The following TANGO6 variants were observed in gnomAD, a reference collection of about 807,000 sequenced individuals.
The protein encoded by TANGO6 is transport and Golgi organization protein 6 homolog.
In TANGO6, 90 loss-of-function variants were observed where a neutral mutation model predicts 114.2. The ratio of observed to expected loss-of-function variants is 0.79; its 90% CI spans 0.66 to 0.94. The LOEUF is 0.94. Ranked by LOEUF, TANGO6 falls within the 40% of genes least tolerant of loss-of-function variation. The pLI, the probability that TANGO6 is intolerant of heterozygous loss-of-function variation, is 0.00. For synonymous variants in TANGO6, 477 were observed against 509.8 expected (o/e 0.94, Z 0.87); for missense variants, 1,274 against 1,315.3 (o/e 0.97, Z 0.49).
intron 7 of TANGO6, among the ~76,000 whole-genome samples, chr16:68,882,307 T>C (rs1325363102): frequency 6.6e-6 from 1 of 151,790 alleles, no homozygotes; most frequent in Non-Finnish European, 1.5e-5. Context: ...CCATCCTGGC[T>C]AACATGGTGA....
At chr16:69,070,632 C>CA (rs576612652) in intron 17 of TANGO6, among the ~76,000 whole-genome samples, 2,264 of 86,936 alleles carry the variant, frequency 0.026, 60 homozygotes, top group South Asian at 0.13. Context: ...GACTCCATCT[C>CA]AAAAAAAAAA....
chr16:69,046,866 G>GA (rs1482343515), intron 17 of TANGO6, among the ~76,000 whole-genome samples: 3 of 152,120 alleles, frequency 2.0e-5, no homozygotes, highest in Non-Finnish European at 4.4e-5. Context: ...AGAGGAAAAA[G>GA]AAAAAGATTT....
intron 10 of TANGO6, among the ~76,000 whole-genome samples, chr16:68,908,998 T>C (rs1962887834): frequency 6.6e-6 from 1 of 152,242 alleles, no homozygotes; most frequent in Admixed American, 6.5e-5. Flanking sequence ...ATTCATTTAT[T>C]TTAACTGCTG....
chr16:68,984,593 C>T (rs148432543), intron 15 of TANGO6, among the ~76,000 whole-genome samples: 281 of 152,076 alleles, frequency 1.8e-3, no homozygotes, highest in Non-Finnish European at 3.3e-3. Context: ...CCATCACTGG[C>T]TCACTAGAGC....
intron 2 of TANGO6, among the ~76,000 whole-genome samples, chr16:68,862,367 T>C (rs568310670): frequency 2.0e-5 from 3 of 152,204 alleles, no homozygotes; most frequent in Admixed American, 2.0e-4. Context: ...TGACTAATTT[T>C]TGTATTTTTA....
intron 13 of TANGO6, among the ~76,000 whole-genome samples, chr16:68,928,464 C>A (rs1416514475): frequency 6.6e-6 from 1 of 151,896 alleles, no homozygotes; most frequent in Non-Finnish European, 1.5e-5. Flanking sequence ...GCCACCACCC[C>A]CGGCTAATTT....
intron 7 of TANGO6, among the ~76,000 whole-genome samples, chr16:68,894,809 C>T (rs1294398939): frequency 6.6e-6 from 1 of 151,902 alleles, no homozygotes; most frequent in Non-Finnish European, 1.5e-5. Context: ...GTTGCTCAAC[C>T]ATCACCACTA....
chr16:68,897,557 GAAAC>G (rs1473745460), intron 7 of TANGO6, among the ~76,000 whole-genome samples: 1 of 149,228 alleles, frequency 6.7e-6, no homozygotes, highest in Non-Finnish European at 1.5e-5. Flanking sequence ...GTATAAGGAA[GAAAC>G]AAACAAAAAA....
At chr16:68,860,952 A>G (rs558570901) in intron 2 of TANGO6, among the ~76,000 whole-genome samples, 1 of 152,314 alleles carries the variant, frequency 6.6e-6, no homozygotes, top group South Asian at 2.1e-4. Flanking sequence ...GGAGGGTTAA[A>G]TGAAATAACA....
intron 14 of TANGO6, among the ~76,000 whole-genome samples, chr16:68,931,925 G>A (rs1421246309): frequency 6.6e-6 from 1 of 152,022 alleles, no homozygotes; most frequent in East Asian, 1.9e-4. Flanking sequence ...CACAATCTTG[G>A]CTCACTGCAA....
intron 15 of TANGO6, among the ~76,000 whole-genome samples, chr16:69,019,621 G>A (rs1230821097): frequency 6.6e-6 from 1 of 151,076 alleles, no homozygotes; most frequent in Non-Finnish European, 1.5e-5. Context: ...GACAGCATTT[G>A]CCACACAGTT....
intron 17 of TANGO6, among the ~76,000 whole-genome samples, chr16:69,044,676 A>G (rs557016940): frequency 9.2e-5 from 14 of 152,214 alleles, no homozygotes; most frequent in African/African-American, 2.9e-4. Context: ...CTCTCTGCCT[A>G]CTTTTTAGGC....
intron 16 of TANGO6, among the ~76,000 whole-genome samples, chr16:69,029,925 T>C (rs934147495): frequency 2.1e-4 from 32 of 151,686 alleles, no homozygotes; most frequent in African/African-American, 7.7e-4. Flanking sequence ...CTGGCCAACA[T>C]GGTTAAACCC....
intron 14 of TANGO6, among the ~76,000 whole-genome samples, chr16:68,941,603 A>G (rs1230890415): frequency 6.6e-6 from 1 of 152,072 alleles, no homozygotes; most frequent in Non-Finnish European, 1.5e-5. Flanking sequence ...AAAATTAGCC[A>G]GGCACAGTGG....
Position 69,084,323 on chromosome 16 carries a change from A to C in TANGO6, c.*662A>C, listed in dbSNP as rs1960508728. 6.6e-6 allele frequency: 1 copy of C among 152,354 alleles called. No homozygotes were observed. The highest frequency in any genetic ancestry group is 6.5e-5 in the Admixed American group (1 of 15,280). 9.4% of individuals were successfully genotyped at this position (152,354 alleles called of 1,614,324 possible). A position where few individuals can be genotyped will look rare whatever the true frequency, so the allele number is the denominator to read the frequency against. Reference sequence around the variant, plus strand: ...AGCTGGTTGACTCTTCCAGAGAAGAAGGGTAAGCCCTGTATTTATCCTCCC... The same window carrying C: ...AGCTGGTTGACTCTTCCAGAGAAGACGGGTAAGCCCTGTATTTATCCTCCC... On this transcript the variant is annotated 3_prime_UTR_variant, in exon 18 of 18. Transcript: ENST00000261778.
chr16:68,886,201 A>G (rs1156935141), intron 7 of TANGO6, among the ~76,000 whole-genome samples: 2 of 151,090 alleles, frequency 1.3e-5, no homozygotes, highest in East Asian at 1.9e-4. Flanking sequence ...AGAAATGTCT[A>G]TTAAGGCCCT....
intron 15 of TANGO6, among the ~76,000 whole-genome samples, chr16:68,990,146 C>T (rs1963934534): frequency 6.6e-6 from 1 of 152,178 alleles, no homozygotes; most frequent in South Asian, 2.1e-4. Context: ...GATCCTCCCA[C>T]CTCAGCCTCT....
At chr16:68,917,669 G>A (rs1234419049) in intron 11 of TANGO6, among the ~76,000 whole-genome samples, 8 of 152,134 alleles carry the variant, frequency 5.3e-5, no homozygotes, top group East Asian at 1.9e-4. Context: ...GACATAGGAT[G>A]TGGAGCATCT....
At chr16:68,985,886 T>G (rs1418992327) in intron 15 of TANGO6, among the ~76,000 whole-genome samples, 1 of 152,220 alleles carries the variant, frequency 6.6e-6, no homozygotes, top group Non-Finnish European at 1.5e-5. Flanking sequence ...TTTCTTTCTC[T>G]TCTGACACCT....
Sources: gnomAD v4.1 joint callset for allele counts (sites outside exome capture counted in the v4.1 genomes callset) on GRCh38, gnomAD v4.1.1 for gene constraint, MANE v1.5 for transcripts, NCBI Gene and HGNC (gene_info 2026-07-23, HGNC 2026-07-21) for gene names.